The following USP34 variants were observed in gnomAD, a reference collection of about 807,000 sequenced individuals.
USP34 encodes the protein ubiquitin carboxyl-terminal hydrolase 34.
A neutral mutation model predicts 460.3 loss-of-function variants in USP34; 70 were observed. That is an observed-to-expected ratio of 0.15 (90% CI 0.13 to 0.19). The LOEUF (loss-of-function observed/expected upper bound fraction) is 0.19. Among genes scored for constraint, USP34 ranks in the 10% least tolerant of loss-of-function variants. USP34 has a pLI of 1.00. For missense variants in USP34, 3,985 were observed against 4,236.2 expected, an observed-to-expected ratio of 0.94 and a Z score of 1.65; for synonymous variants, 1,647 against 1,405.3, an observed-to-expected ratio of 1.17 and a Z score of -3.85.
intron 67 of USP34, among the ~76,000 whole-genome samples, chr2:61,218,474 C>T (rs186621415): frequency 4.9e-4 from 74 of 152,234 alleles, no homozygotes; most frequent in African/African-American, 1.7e-3. Flanking sequence ...ACAGTTAACA[C>T]TATTATGATG....
chr2:61,447,649 T>A (rs1403169191), intron 1 of USP34, among the ~76,000 whole-genome samples: 1 of 152,184 alleles, frequency 6.6e-6, no homozygotes, highest in Non-Finnish European at 1.5e-5. Context: ...ACTCATTTCA[T>A]CACAGAATAT....
chr2:61,220,688 A>G (rs1021925305), intron 66 of USP34, among the ~76,000 whole-genome samples: 1 of 152,210 alleles, frequency 6.6e-6, no homozygotes, highest in Non-Finnish European at 1.5e-5. Flanking sequence ...TAAAATAACC[A>G]AGTACCATAA....
intron 44 of USP34, among the ~76,000 whole-genome samples, chr2:61,259,254 G>A (rs757448870): frequency 6.6e-6 from 1 of 152,030 alleles, no homozygotes; most frequent in Non-Finnish European, 1.5e-5. Context: ...GCAAGACTCT[G>A]TCTCAAAATA....
At chr2:61,359,726 C>G (rs1307028648) in intron 10 of USP34, among the ~76,000 whole-genome samples, 1 of 147,460 alleles carries the variant, frequency 6.8e-6, no homozygotes, top group Non-Finnish European at 1.5e-5. Flanking sequence ...AAAGAACAGG[C>G]ATAGAAGGAA....
chr2:61,282,264 G>A (rs1156985541), intron 37 of USP34, among the ~76,000 whole-genome samples: 2 of 152,138 alleles, frequency 1.3e-5, no homozygotes, highest in Non-Finnish European at 2.9e-5. Context: ...ACAGGCGTGA[G>A]CCACAGTGCC....
At chr2:61,378,306 A>G (rs1343514161) in intron 8 of USP34, 57 bp downstream of exon 8, 2 of 1,279,284 alleles carry the variant, frequency 1.6e-6, no homozygotes. Flanking sequence ...AATTTACCAT[A>G]TAAACAACTG....
intron 15 of USP34, among the ~76,000 whole-genome samples, chr2:61,344,593 A>G (rs1353780837): frequency 6.6e-6 from 1 of 152,254 alleles, no homozygotes; most frequent in African/African-American, 2.4e-5. Flanking sequence ...ATTAATACAC[A>G]GAATATGAAA....
intron 6 of USP34, 97 bp downstream of exon 6, chr2:61,383,172 T>G: frequency 1.3e-6 from 1 of 776,398 alleles, no homozygotes; most frequent in Non-Finnish European, 1.9e-6. Context: ...CTAGAGGATA[T>G]GACTATAGGG....
chr2:61,341,982 C>A (rs537047860), intron 16 of USP34, among the ~76,000 whole-genome samples: 1 of 151,828 alleles, frequency 6.6e-6, no homozygotes, highest in Non-Finnish European at 1.5e-5. Flanking sequence ...AGGCTGGCCT[C>A]GAGATGCTGA....
chr2:61,309,362 A>G (rs1196840306), intron 27 of USP34, among the ~76,000 whole-genome samples: 5 of 152,206 alleles, frequency 3.3e-5, no homozygotes, highest in African/African-American at 4.8e-5. Context: ...TGGATCATGG[A>G]AACAGAATAT....
intron 5 of USP34, among the ~76,000 whole-genome samples, chr2:61,385,780 G>C (rs1649094746): frequency 6.6e-6 from 1 of 151,518 alleles, no homozygotes; most frequent in Non-Finnish European, 1.5e-5. Flanking sequence ...GATCACCTGA[G>C]GTCAGGAGTT....
intron 66 of USP34, 45 bp downstream of exon 66, chr2:61,221,457 A>G: frequency 1.3e-6 from 2 of 1,528,016 alleles, no homozygotes; most frequent in Non-Finnish European, 1.8e-6. Context: ...TAAAAATAAA[A>G]TCCTCAGGAA....
At chr2:61,437,817 A>ATAAATAAAT (rs1553391325) in intron 1 of USP34, among the ~76,000 whole-genome samples, 15 of 149,772 alleles carry the variant, frequency 1.0e-4, no homozygotes, top group African/African-American at 1.9e-4. Context: ...AAATAAATAA[A>ATAAATAAAT]AAACCTGAAC....
chr2:61,264,837 A>G (rs1688999852), intron 43 of USP34, among the ~76,000 whole-genome samples: 1 of 152,216 alleles, frequency 6.6e-6, no homozygotes, highest in African/African-American at 2.4e-5. Flanking sequence ...CAGCCTGGTC[A>G]ACACAGAGAG....
chr2:61,235,080 G>A (rs1688026754), intron 57 of USP34, among the ~76,000 whole-genome samples: 2 of 152,118 alleles, frequency 1.3e-5, no homozygotes, highest in Non-Finnish European at 2.9e-5. Flanking sequence ...GCTAAGGGAG[G>A]AGATCTTGTG....
chr2:61,268,412 C>CT (rs963307899), intron 41 of USP34, among the ~76,000 whole-genome samples: 1 of 115,562 alleles, frequency 8.7e-6, no homozygotes, highest in African/African-American at 3.4e-5. Context: ...AGTTCTCACT[C>CT]TTTGAGTTCA....
rs753423982 is a variant in USP34, at chr2:61,190,607, C to T, written c.9640G>A (p.Ala3214Thr). Residue 3214 changes from alanine (A) to threonine (T), a missense_variant, in exon 77 of 80, where the codon GCA (alanine) becomes ACA (threonine). Coordinates refer to ENST00000398571, the MANE Select transcript of USP34 (RefSeq NM_014709.4). ...IKLLCEDPVF[A>T]EYIKCILMDE... The stretch of plus-strand genomic sequence containing the variant: ...ATTAGGATACATTTAATATATTCTG[C>T]GAAAACAGGATCTTCACACAAAAGC... The T allele has an allele frequency of 1.7e-5, 27 of 1,613,788 alleles. No homozygotes were observed. In the Admixed American group the frequency reaches 2.3e-4, roughly 14 times the overall value.
At chr2:61,395,291 T>C (rs989696471) in intron 3 of USP34, 58 bp from the exon 4 acceptor site, 2 of 1,023,710 alleles carry the variant, frequency 2.0e-6, no homozygotes, top group Non-Finnish European at 1.5e-6. Context: ...CTTTAAAAAA[T>C]ACAATTCTAT....
intron 3 of USP34, among the ~76,000 whole-genome samples, chr2:61,398,012 A>G (rs1444172173): frequency 3.9e-5 from 6 of 152,052 alleles, no homozygotes; most frequent in Non-Finnish European, 7.4e-5. Context: ...GGGGGGTTGC[A>G]GTGAGTCAAG....
Sources: gnomAD v4.1 joint callset for allele counts (sites outside exome capture counted in the v4.1 genomes callset) on GRCh38, gnomAD v4.1.1 for gene constraint, MANE v1.5 for transcripts, NCBI Gene and HGNC (gene_info 2026-07-23, HGNC 2026-07-21) for gene names.